DLGAP1: variants seen among roughly 807,000 people sequenced by gnomAD.
The protein encoded by DLGAP1 is disks large-associated protein 1.
In DLGAP1, 11 loss-of-function variants were observed where a neutral mutation model predicts 90.8. The observed-to-expected ratio is 0.12, with a 90% CI of 0.08 to 0.20. The LOEUF (loss-of-function observed/expected upper bound fraction) is 0.20. Ranked by LOEUF, DLGAP1 falls within the 10% of genes least tolerant of loss-of-function variation. DLGAP1 has a pLI of 1.00. For synonymous variants in DLGAP1, 558 were observed against 540.7 expected (o/e 1.03, Z -0.44); for missense variants, 1,050 against 1,333.8 (o/e 0.79, Z 3.31).
chr18:3,724,067 G>C (rs1423554901), intron 7 of DLGAP1, among the ~76,000 whole-genome samples: 3 of 152,204 alleles, frequency 2.0e-5, no homozygotes, highest in Non-Finnish European at 2.9e-5. Context: ...GCTCACACCT[G>C]TAATCCTAGC....
At chr18:3,589,241 G>C (rs888928039) in intron 7 of DLGAP1, among the ~76,000 whole-genome samples, 10 of 152,226 alleles carry the variant, frequency 6.6e-5, no homozygotes, top group African/African-American at 2.4e-4. Context: ...GGAAGGCCTG[G>C]GCCAGAGATT....
At chr18:4,178,202 A>AACACACACACACAC (rs59444096) in intron 1 of DLGAP1, among the ~76,000 whole-genome samples, 93 of 118,472 alleles carry the variant, frequency 7.8e-4, no homozygotes, top group African/African-American at 2.6e-3. Flanking sequence ...TCCTGGAATA[A>AACACACACACACAC]ACACACACAC....
chr18:3,865,525 A>T (rs1306956060), intron 4 of DLGAP1, among the ~76,000 whole-genome samples: 4 of 152,242 alleles, frequency 2.6e-5, no homozygotes, highest in African/African-American at 9.6e-5. Flanking sequence ...TAATCATAGA[A>T]GTAGAACCTG....
intron 2 of DLGAP1, among the ~76,000 whole-genome samples, chr18:4,068,312 T>C (rs567510631): frequency 2.6e-5 from 4 of 152,086 alleles, no homozygotes; most frequent in African/African-American, 9.6e-5. Flanking sequence ...GAATAAATAA[T>C]ACACTTTGTG....
intron 1 of DLGAP1, among the ~76,000 whole-genome samples, chr18:4,218,494 C>T (rs1379435857): frequency 6.6e-6 from 1 of 151,868 alleles, no homozygotes; most frequent in Non-Finnish European, 1.5e-5. Context: ...AATCTTTTAG[C>T]AATTTTGCAA....
chr18:4,232,846 C>A (rs947836211), intron 1 of DLGAP1, among the ~76,000 whole-genome samples: 3 of 152,114 alleles, frequency 2.0e-5, no homozygotes, highest in Non-Finnish European at 4.4e-5. Context: ...CCGCCAGCAC[C>A]TTTTGTGACC....
intron 1 of DLGAP1, among the ~76,000 whole-genome samples, chr18:4,305,490 T>C (rs1717413): frequency 0.82 from 108,170 of 131,292 alleles, 42,656 homozygotes; most frequent in East Asian, 0.93. Context: ...GCCGAGATCG[T>C]GGCACTGCAC....
intron 4 of DLGAP1, among the ~76,000 whole-genome samples, chr18:3,865,567 G>A (rs2070332384): frequency 6.6e-6 from 1 of 152,036 alleles, no homozygotes; most frequent in African/African-American, 2.4e-5. Context: ...ATTTTTAATT[G>A]TTATTAAAAG....
intron 1 of DLGAP1, among the ~76,000 whole-genome samples, chr18:4,330,040 C>G (rs610202): frequency 6.6e-6 from 1 of 151,972 alleles, no homozygotes; most frequent in South Asian, 2.1e-4. Flanking sequence ...GATTAAAATG[C>G]TTGATAGACA....
At chr18:3,521,783 A>G (rs1568122688) in intron 10 of DLGAP1, among the ~76,000 whole-genome samples, 1 of 152,190 alleles carries the variant, frequency 6.6e-6, no homozygotes, top group Non-Finnish European at 1.5e-5. Context: ...AACTCCTATT[A>G]TCTCCACTGA....
At chr18:4,322,143 T>C (rs2080707003) in intron 1 of DLGAP1, among the ~76,000 whole-genome samples, 1 of 151,514 alleles carries the variant, frequency 6.6e-6, no homozygotes, top group Non-Finnish European at 1.5e-5. Flanking sequence ...GAGGTTGCAG[T>C]GAACCAAGAC....
intron 3 of DLGAP1, among the ~76,000 whole-genome samples, chr18:4,004,478 A>G (rs563541322): frequency 6.6e-6 from 1 of 152,164 alleles, no homozygotes; most frequent in Non-Finnish European, 1.5e-5. Flanking sequence ...CGCTTTCCCC[A>G]TTCAAGGTTA....
chr18:4,176,908 C>T (rs545663496), intron 1 of DLGAP1, among the ~76,000 whole-genome samples: 107 of 152,298 alleles, frequency 7.0e-4, no homozygotes, highest in African/African-American at 2.5e-3. Context: ...TTCTTGCTCT[C>T]ATGCACTGTG....
intron 1 of DLGAP1, among the ~76,000 whole-genome samples, chr18:4,267,814 C>T (rs1346908743): frequency 2.6e-5 from 4 of 152,188 alleles, no homozygotes; most frequent in African/African-American, 9.7e-5. Flanking sequence ...CACTTCCTCA[C>T]TGCGTAGGTC....
intron 2 of DLGAP1, among the ~76,000 whole-genome samples, chr18:4,091,841 A>G (rs55867705): frequency 0.33 from 49,361 of 151,774 alleles, 8,305 homozygotes; most frequent in African/African-American, 0.4. Context: ...TGATAGTTCC[A>G]ATATCTAGGT....
chr18:4,397,191 A>G (rs892680665), intron 1 of DLGAP1, among the ~76,000 whole-genome samples: 1 of 152,194 alleles, frequency 6.6e-6, no homozygotes, highest in Non-Finnish European at 1.5e-5. Context: ...CATAATACCT[A>G]GTGTGTAGCA....
chr18:4,346,349 T>C (rs2081302411), intron 1 of DLGAP1, among the ~76,000 whole-genome samples: 1 of 152,158 alleles, frequency 6.6e-6, no homozygotes, highest in African/African-American at 2.4e-5. Context: ...ATGCACATCC[T>C]CTGCAGAAGA....
intron 10 of DLGAP1, among the ~76,000 whole-genome samples, chr18:3,508,949 G>A (rs1042382410): frequency 6.6e-6 from 1 of 150,898 alleles, no homozygotes; most frequent in African/African-American, 2.4e-5. Context: ...CCAAGAACTG[G>A]ATGTTACCAA....
chr18:3,587,717 G>C (rs997014577), intron 7 of DLGAP1, among the ~76,000 whole-genome samples: 1 of 152,084 alleles, frequency 6.6e-6, no homozygotes, highest in Admixed American at 6.5e-5. Flanking sequence ...TCATTGTGAG[G>C]GTCTGTGGCT....
Sources: allele counts gnomAD v4.1 joint callset (sites outside exome capture counted in the v4.1 genomes callset), GRCh38; gene constraint gnomAD v4.1.1; transcripts MANE v1.5; gene names NCBI Gene and HGNC (gene_info 2026-07-23, HGNC 2026-07-21).